The following FMN1 variants were observed in gnomAD, a reference collection of about 807,000 sequenced individuals.
FMN1 encodes the protein formin-1.
FMN1 carries 110 observed loss-of-function variants against 132.4 expected under a neutral mutation model. The observed-to-expected ratio is 0.83, with a 90% CI of 0.71 to 0.97. The LOEUF (loss-of-function observed/expected upper bound fraction) is 0.97, where lower values mean the gene tolerates loss of function less well. Ranked by LOEUF, FMN1 falls within the 50% of genes least tolerant of loss-of-function variation. FMN1 has a pLI of 0.00. For missense variants in FMN1, 1,792 were observed against 1,705.3 expected, an observed-to-expected ratio of 1.05 and a Z score of -0.90; for synonymous variants, 722 against 651.7, an observed-to-expected ratio of 1.11 and a Z score of -1.64.
At chr15:32,945,224 C>T (rs2061483760) in intron 9 of FMN1, among the ~76,000 whole-genome samples, 2 of 152,128 alleles carry the variant, frequency 1.3e-5, no homozygotes, top group Non-Finnish European at 2.9e-5. Flanking sequence ...GGTGCCAATA[C>T]ATAGATATAT....
At chr15:32,933,536 T>C (rs897390582) in intron 9 of FMN1, among the ~76,000 whole-genome samples, 8 of 152,206 alleles carry the variant, frequency 5.3e-5, no homozygotes, top group African/African-American at 1.9e-4. Flanking sequence ...TGTTTATCTA[T>C]CTTGTTACAT....
chr15:33,051,462 G>T (rs1218507011), intron 6 of FMN1, among the ~76,000 whole-genome samples: 1 of 150,552 alleles, frequency 6.6e-6, no homozygotes, highest in Admixed American at 6.7e-5. Context: ...CAGGATGTCG[G>T]GCAACCATCA....
intron 18 of FMN1, among the ~76,000 whole-genome samples, chr15:32,800,162 G>A (rs2057429340): frequency 6.6e-6 from 1 of 152,082 alleles, no homozygotes; most frequent in Non-Finnish European, 1.5e-5. Context: ...GATTCCATGG[G>A]TACGATTAGG....
chr15:32,805,348 T>TG (rs1288727026), intron 17 of FMN1, among the ~76,000 whole-genome samples: 1 of 152,176 alleles, frequency 6.6e-6, no homozygotes, highest in Non-Finnish European at 1.5e-5. Context: ...CACTTTTCGA[T>TG]GGGGTTGTTT....
intron 12 of FMN1, among the ~76,000 whole-genome samples, chr15:32,902,285 G>A (rs990394615): frequency 1.3e-5 from 2 of 152,180 alleles, no homozygotes; most frequent in Non-Finnish European, 2.9e-5. Context: ...TTCGGGAACA[G>A]AAAGTTAACA....
intron 16 of FMN1, among the ~76,000 whole-genome samples, chr15:32,867,776 C>G (rs1365968198): frequency 2.0e-5 from 3 of 152,242 alleles, no homozygotes; most frequent in Non-Finnish European, 4.4e-5. Flanking sequence ...CAGGCGTGAG[C>G]CACCGCGCCC....
intron 12 of FMN1, among the ~76,000 whole-genome samples, chr15:32,905,519 G>A (rs935121836): frequency 2.0e-5 from 3 of 152,126 alleles, no homozygotes; most frequent in Admixed American, 6.6e-5. Flanking sequence ...ACCATTACCC[G>A]GCAGCATAAG....
intron 16 of FMN1, among the ~76,000 whole-genome samples, chr15:32,879,892 C>T (rs571368100): frequency 2.6e-4 from 40 of 152,082 alleles, no homozygotes; most frequent in African/African-American, 9.2e-4. Flanking sequence ...TATACGTGCA[C>T]GCAGTTTAAA....
At chr15:32,861,960 C>G (rs953938646) in intron 16 of FMN1, among the ~76,000 whole-genome samples, 7 of 152,160 alleles carry the variant, frequency 4.6e-5, no homozygotes, top group African/African-American at 7.2e-5. Flanking sequence ...TCTCTGCAGC[C>G]CCACGGGCTG....
At position 33,154,952 on chromosome 15, in the gene FMN1, T is replaced by G; in HGVS notation, c.-38A>C. On this transcript the variant is annotated 5_prime_UTR_variant, in exon 4 of 21. Coordinates refer to ENST00000616417, the MANE Select transcript of FMN1 (RefSeq NM_001277313.2). Reference sequence around the variant, plus strand: ...ATTATTCATGCCTTGGAGATGCCGGTTTGTGGTCAGGCTTCCCAGGCTCCA... The same window carrying G: ...ATTATTCATGCCTTGGAGATGCCGGGTTGTGGTCAGGCTTCCCAGGCTCCA... 2.7e-6 allele frequency: 4 copies of G among 1,484,690 alleles called. No homozygotes were observed. Among genetic ancestry groups the G allele is most frequent in the Non-Finnish European group, 3.6e-6 (4 of 1,119,604 alleles). The allele number at this position is 1,484,690 out of a possible 1,614,324, so 92.0% of individuals were successfully genotyped here.
chr15:33,024,268 G>A (rs2035565641), intron 6 of FMN1, among the ~76,000 whole-genome samples: 1 of 75,294 alleles, frequency 1.3e-5, no homozygotes, highest in Non-Finnish European at 2.5e-5. Flanking sequence ...TTTTTGAGAT[G>A]TGGAGTCTCG....
intron 4 of FMN1, among the ~76,000 whole-genome samples, chr15:33,126,577 C>CTGCCCATTCTTCAA (rs1555405400): frequency 4.3e-4 from 66 of 152,106 alleles, no homozygotes; most frequent in African/African-American, 1.5e-3. Context: ...CTTAGCACTT[C>CTGCCCATTCTTCAA]TGCCCATTCT....
chr15:33,193,664 G>A lies in FMN1; in HGVS notation c.-197+245C>T, dbSNP rs746858830. 8.4e-4 allele frequency among the ~76,000 whole-genome samples: 128 copies of A among 152,238 alleles called. 1 individual carries two copies. The highest frequency in any genetic ancestry group is 1.8e-3 in the Non-Finnish European group (123 of 68,024). On this transcript the variant is annotated intron_variant, in intron 2 of 20. Coordinates refer to ENST00000616417, the MANE Select transcript of FMN1 (RefSeq NM_001277313.2). ...AGGCTCTGCATTCAGCCCATTCGGA[G>A]TGTGTGAGTGCTAACATGGAACTCT...
At chr15:33,064,053 G>A (rs1346948840) in intron 6 of FMN1, 1 of 152,154 alleles carries the variant, frequency 6.6e-6, no homozygotes, top group Non-Finnish European at 1.5e-5. Context: ...CTGCCAGTGT[G>A]TTCTCAATCA....
intron 6 of FMN1, among the ~76,000 whole-genome samples, chr15:33,047,715 T>C (rs918414341): frequency 1.3e-5 from 2 of 152,190 alleles, no homozygotes; most frequent in African/African-American, 4.8e-5. Flanking sequence ...GCTGACTCCC[T>C]CTTTTTGAAA....
intron 3 of FMN1, among the ~76,000 whole-genome samples, chr15:33,179,729 A>G (rs908481053): frequency 6.6e-6 from 1 of 152,266 alleles, no homozygotes; most frequent in Non-Finnish European, 1.5e-5. Flanking sequence ...ATCAATAAAA[A>G]TCTGTCCATT....
intron 1 of FMN1, 51 bp downstream of exon 1, chr15:33,194,527 G>C (rs571842807): frequency 2.6e-5 from 4 of 152,918 alleles, no homozygotes; most frequent in African/African-American, 9.6e-5. Flanking sequence ...GCCTTTGGTC[G>C]GGAAGAAGAG....
chr15:32,851,635 AT>A (rs1396248223), intron 17 of FMN1, among the ~76,000 whole-genome samples: 29 of 152,366 alleles, frequency 1.9e-4, no homozygotes, highest in Admixed American at 1.2e-3. Context: ...TGCCATTAAA[AT>A]TACATTCAAT....
At chr15:32,906,082 A>G (rs2060417723) in intron 12 of FMN1, among the ~76,000 whole-genome samples, 1 of 152,218 alleles carries the variant, frequency 6.6e-6, no homozygotes, top group Non-Finnish European at 1.5e-5. Context: ...TGTGTTAATT[A>G]CCTGCTACCA....
Sources: allele counts gnomAD v4.1 joint callset (sites outside exome capture counted in the v4.1 genomes callset), GRCh38; gene constraint gnomAD v4.1.1; transcripts MANE v1.5; gene names NCBI Gene and HGNC (gene_info 2026-07-23, HGNC 2026-07-21).